Variants in NCKAP1 observed in about 807,000 individuals in gnomAD.
NCKAP1 encodes NCK associated protein 1, also known as nck-associated protein 1.
A neutral mutation model predicts 151.2 loss-of-function variants in NCKAP1; 21 were observed. That is an observed-to-expected ratio of 0.14 (90% CI 0.10 to 0.20). NCKAP1 has a LOEUF of 0.20. Ranked by LOEUF, NCKAP1 falls within the 10% of genes least tolerant of loss-of-function variation. The pLI is 1.00. For synonymous variants in NCKAP1, 484 were observed against 451.8 expected (o/e 1.07, Z -0.90); for missense variants, 933 against 1,352.1 (o/e 0.69, Z 4.86).
At chr2:183,020,667 A>G (rs1698781171) in intron 2 of NCKAP1, among the ~76,000 whole-genome samples, 1 of 152,026 alleles carries the variant, frequency 6.6e-6, no homozygotes, top group Non-Finnish European at 1.5e-5. Context: ...TCCAAAGCAC[A>G]AGAATAAGAA....
intron 2 of NCKAP1, among the ~76,000 whole-genome samples, chr2:183,013,536 C>T (rs1698628797): frequency 6.6e-6 from 1 of 152,130 alleles, no homozygotes; most frequent in Non-Finnish European, 1.5e-5. Context: ...TCACCTCAAC[C>T]ACCCTAGTCC....
At chr2:183,008,438 G>A in intron 2 of NCKAP1, among the ~76,000 whole-genome samples, 1 of 152,056 alleles carries the variant, frequency 6.6e-6, no homozygotes, top group East Asian at 1.9e-4. Context: ...AATTACCAGT[G>A]CCTCAGAATA....
chr2:182,947,492 G>C (rs1204428292), intron 23 of NCKAP1, among the ~76,000 whole-genome samples: 1 of 152,172 alleles, frequency 6.6e-6, no homozygotes, highest in Non-Finnish European at 1.5e-5. Flanking sequence ...GTGAAAAGTG[G>C]CTTCCAAAGC....
At position 182,925,685 on chromosome 2, in the gene NCKAP1, T is replaced by C. The variant is rs1356066577; in HGVS notation, c.*17A>G. On this transcript the variant is annotated 3_prime_UTR_variant, in exon 31 of 31. Transcript: ENST00000361354. ...AGGCAACAAAAATGCGTGCTTATCT[T>C]GATTAAGTAGGTAATTTTATGCAGA... 6.9e-7 allele frequency: 1 copy of C among 1,457,428 alleles called. No individual in the cohort carries two copies. 90.3% of individuals were successfully genotyped at this position (1,457,428 alleles called of 1,614,324 possible).
chr2:182,997,163 G>C (rs904892629), intron 6 of NCKAP1, among the ~76,000 whole-genome samples: 1 of 152,092 alleles, frequency 6.6e-6, no homozygotes, highest in Non-Finnish European at 1.5e-5. Context: ...ATCTAGCTAA[G>C]AGTCTGTCAA....
chr2:182,920,804 G>T lies in NCKAP1; in HGVS notation c.*4898C>A, dbSNP rs1227206983. On this transcript the variant is annotated 3_prime_UTR_variant, in exon 31 of 31. Coordinates refer to ENST00000361354, the MANE Select transcript of NCKAP1 (RefSeq NM_013436.5). ...CAGATTTCAACATATGAATTTTGTG[G>T]CCAGGGGGACACAAACATTCAGACC... is the stretch of plus-strand genomic sequence containing the variant. 2.6e-5 allele frequency: 4 copies of T among 151,992 alleles called. No individual in the cohort carries two copies. The highest frequency in any genetic ancestry group is 4.4e-5 in the Non-Finnish European group (3 of 68,002). 9.4% of individuals were successfully genotyped at this position (151,992 alleles called of 1,614,324 possible).
chr2:182,913,403 G>A lies in NCKAP1; in HGVS notation c.*12299C>T, dbSNP rs1000919401. On this transcript the variant is annotated 3_prime_UTR_variant, in exon 31 of 31. Transcript: ENST00000361354. Reference sequence around the variant, plus strand: ...TGAATGAATTTATTTCTAGATTAATGGATTGATGGGCTATCAAGGGAGTGG... The same window carrying A: ...TGAATGAATTTATTTCTAGATTAATAGATTGATGGGCTATCAAGGGAGTGG... 2.6e-5 allele frequency: 4 copies of A among 152,164 alleles called. No individual in the cohort carries two copies. Among genetic ancestry groups the A allele is most frequent in the African/African-American group, 9.7e-5 (4 of 41,426 alleles). The allele number at this position is 152,164 out of a possible 1,614,324, so 9.4% of individuals were successfully genotyped here. A position where few individuals can be genotyped will look rare whatever the true frequency, so the allele number is the denominator to read the frequency against.
At chr2:182,993,151 T>C (rs990103171) in intron 8 of NCKAP1, among the ~76,000 whole-genome samples, 4 of 152,194 alleles carry the variant, frequency 2.6e-5, no homozygotes, top group African/African-American at 9.6e-5. Flanking sequence ...TATTTACATA[T>C]AACCTACACA....
chr2:183,038,131 G>T lies in NCKAP1; in HGVS notation c.-32C>A. On this transcript the variant is annotated 5_prime_UTR_variant, in exon 1 of 31. Transcript: ENST00000361354. ...GCTGGTGCCGCCGCCGCCGCCGGCC[G>T]CCTCGCGCCCAGTCACGGGCCCGCG... The T allele has an allele frequency of 2.7e-6, 4 of 1,488,408 alleles. No individual in the cohort carries two copies. Among genetic ancestry groups the T allele is most frequent in the Middle Eastern group, 1.8e-4 (1 of 5,486 alleles). 92.2% of individuals were successfully genotyped at this position (1,488,408 alleles called of 1,614,324 possible). A position where few individuals can be genotyped will look rare whatever the true frequency, so the allele number is the denominator to read the frequency against.
intron 17 of NCKAP1, among the ~76,000 whole-genome samples, 168 bp downstream of exon 17, chr2:182,964,508 T>C (rs7571161): frequency 0.15 from 22,953 of 152,126 alleles, 3,981 homozygotes; most frequent in African/African-American, 0.42. Flanking sequence ...TTTATCTATA[T>C]ATATATTAAA....
chr2:182,994,652 A>G (rs1035057113), intron 8 of NCKAP1, among the ~76,000 whole-genome samples, 187 bp downstream of exon 8: 5 of 151,860 alleles, frequency 3.3e-5, no homozygotes, highest in African/African-American at 1.2e-4. Context: ...AAAAAAAGAA[A>G]AAAAAGAAAA....
intron 9 of NCKAP1, 139 bp downstream of exon 9, chr2:182,988,891 C>A (rs1698110031): frequency 3.3e-6 from 2 of 610,554 alleles, no homozygotes; most frequent in South Asian, 3.8e-5. Flanking sequence ...TTAAAAACAA[C>A]TTCCTGGGAT....
chr2:183,018,980 ATAATTC>A (rs1283622019), intron 2 of NCKAP1, among the ~76,000 whole-genome samples: 1 of 152,224 alleles, frequency 6.6e-6, no homozygotes, highest in Non-Finnish European at 1.5e-5. Context: ...ATAACATCTT[ATAATTC>A]TATGTTCCTT....
chr2:183,035,107 CAAAAAA>C (rs796520051), intron 1 of NCKAP1, among the ~76,000 whole-genome samples: 2 of 149,442 alleles, frequency 1.3e-5, no homozygotes, highest in African/African-American at 4.9e-5. Context: ...TATTTAAAAA[CAAAAAA>C]AAAGGAATTA....
intron 24 of NCKAP1, among the ~76,000 whole-genome samples, chr2:182,939,523 G>A (rs1696951161): frequency 1.3e-5 from 2 of 151,888 alleles, no homozygotes; most frequent in African/African-American, 4.8e-5. Flanking sequence ...GCAAGGCTCC[G>A]TCTCAAAAAA....
chr2:182,968,584 G>A (rs886226873), intron 15 of NCKAP1, among the ~76,000 whole-genome samples: 1 of 152,132 alleles, frequency 6.6e-6, no homozygotes, highest in Admixed American at 6.5e-5. Flanking sequence ...ATAAAATAGA[G>A]GGTTCCTCAA....
chr2:182,945,826 T>A (rs1023588008), intron 23 of NCKAP1, among the ~76,000 whole-genome samples: 4 of 152,154 alleles, frequency 2.6e-5, no homozygotes, highest in African/African-American at 9.7e-5. Flanking sequence ...GGAATATAAA[T>A]CATTCTAACA....
intron 15 of NCKAP1, among the ~76,000 whole-genome samples, chr2:182,974,224 C>A: frequency 7.8e-6 from 1 of 127,768 alleles, no homozygotes; most frequent in South Asian, 2.6e-4. Context: ...ATGTCCCATT[C>A]TTTCCTTCCT....
intron 24 of NCKAP1, among the ~76,000 whole-genome samples, chr2:182,937,778 T>C (rs1696910538): frequency 6.6e-6 from 1 of 152,160 alleles, no homozygotes; most frequent in Non-Finnish European, 1.5e-5. Context: ...ACATGGAATA[T>C]GAGGAGTGAA....
Sources: allele counts gnomAD v4.1 joint callset (sites outside exome capture counted in the v4.1 genomes callset), GRCh38; gene constraint gnomAD v4.1.1; transcripts MANE v1.5; gene names NCBI Gene and HGNC (gene_info 2026-07-23, HGNC 2026-07-21).